SLC9B1: variants seen among roughly 807,000 people sequenced by gnomAD.
SLC9B1 encodes the protein solute carrier family 9 member B1, also known as sodium/hydrogen exchanger 9B1.
A neutral mutation model predicts 51.7 loss-of-function variants in SLC9B1; 32 were observed. The ratio of observed to expected loss-of-function variants is 0.62; its 90% confidence interval spans 0.47 to 0.83. The LOEUF (loss-of-function observed/expected upper bound fraction) is 0.83. Ranked by LOEUF, SLC9B1 falls within the 40% of genes least tolerant of loss-of-function variation. SLC9B1 has a pLI of 0.00. For synonymous variants in SLC9B1, 145 were observed against 212.7 expected (o/e 0.68, Z 2.77); for missense variants, 406 against 613.2 (o/e 0.66, Z 3.57).
chr4:102,999,639 A>G (rs577424405), intron 1 of SLC9B1, among the ~76,000 whole-genome samples: 2 of 152,216 alleles, frequency 1.3e-5, no homozygotes, highest in African/African-American at 2.4e-5. Context: ...TATGTGGAGT[A>G]GGGGGAGTGA....
chr4:102,950,029 T>C (rs1371436747), intron 3 of SLC9B1, among the ~76,000 whole-genome samples: 7 of 152,182 alleles, frequency 4.6e-5, no homozygotes, highest in Non-Finnish European at 1.0e-4. Context: ...TTATAATATA[T>C]GATAGTTAAA....
At chr4:102,897,943 T>C, downstream of SLC9B1, 1 of 372,428 alleles carries the variant, frequency 2.7e-6, no homozygotes, top group Non-Finnish European at 5.2e-6. Context: ...TGCAGCAGCC[T>C]GCTGTTCATG....
At chr4:102,927,475 T>C (rs555367455) in intron 7 of SLC9B1, among the ~76,000 whole-genome samples, 4 of 152,264 alleles carry the variant, frequency 2.6e-5, no homozygotes, top group Non-Finnish European at 5.9e-5. Context: ...CATGAAAAAA[T>C]GCTCATCATC....
At chr4:103,011,416 C>T (rs1379237923) in intron 1 of SLC9B1, among the ~76,000 whole-genome samples, 2 of 152,120 alleles carry the variant, frequency 1.3e-5, no homozygotes, top group Non-Finnish European at 2.9e-5. Context: ...CTGTCGCTCT[C>T]CCAGGCAGGA....
chr4:102,887,979 T>C (rs1033170823), intron 11 of SLC9B1: 1 of 153,718 alleles, frequency 6.5e-6, no homozygotes, highest in African/African-American at 2.4e-5. Flanking sequence ...AGAAGTAAAC[T>C]GGATACAAAA....
At chr4:102,894,140 G>T (rs570580048) in intron 11 of SLC9B1, among the ~76,000 whole-genome samples, 3 of 152,308 alleles carry the variant, frequency 2.0e-5, no homozygotes, top group African/African-American at 7.2e-5. Context: ...TAAATGCTGA[G>T]AGGGCTATTG....
chr4:102,957,716 T>A (rs1053411184), intron 3 of SLC9B1, among the ~76,000 whole-genome samples: 2 of 152,150 alleles, frequency 1.3e-5, no homozygotes, highest in Admixed American at 6.5e-5. Flanking sequence ...CTATAAGGAA[T>A]AAACGGCACT....
intron 11 of SLC9B1, chr4:102,887,203 A>C (rs1404150846): frequency 1.6e-6 from 1 of 613,788 alleles, no homozygotes; most frequent in East Asian, 3.0e-5. Context: ...TTGGATGTAG[A>C]ATGTAACTAT....
Position 102,946,676 on chromosome 4 carries a change from T to C in SLC9B1, c.496A>G (p.Ile166Val). ...GGATCGAGTCCAAGCCCAGCTCTTA[T>C]TAGAATAATGGTAAGGGCAATGCTT... ...LRSIALTIILIRAGLGLDPQA... is the reference protein window; with the variant it reads ...LRSIALTIILVRAGLGLDPQA... The change falls in exon 5 of 12, where the codon ATA becomes GTA. Residue 166 changes from isoleucine to valine, a missense_variant. Physicochemically the swap from Ile to Val is conservative, Grantham distance 29. This residue lies in a region of SLC9B1 where 250 missense variants were observed against 394.1 expected (regional missense o/e 0.63). Transcript: ENST00000296422. 6.2e-7 allele frequency: 1 copy of C among 1,609,832 alleles called. No individual in the cohort carries two copies. Among genetic ancestry groups the C allele is most frequent in the Non-Finnish European group, 8.5e-7 (1 of 1,179,224 alleles).
chr4:102,944,187 A>G (rs1737156678), intron 6 of SLC9B1, among the ~76,000 whole-genome samples: 1 of 152,176 alleles, frequency 6.6e-6, no homozygotes, highest in Non-Finnish European at 1.5e-5. Context: ...CTGAGTACAC[A>G]TGGACAGAAA....
Position 102,949,336 on chromosome 4 carries a change from A to G in SLC9B1, c.303T>C (p.Ile101=). The G allele has an allele frequency of 6.2e-7, 1 of 1,611,150 alleles. No homozygotes were observed. The highest frequency in any genetic ancestry group is 8.5e-7 in the Non-Finnish European group (1 of 1,179,454). Residue 101 remains isoleucine, a synonymous_variant, in exon 4 of 12, where the codon ATT becomes ATC. Coordinates refer to ENST00000296422, the MANE Select transcript of SLC9B1 (RefSeq NM_139173.4). ...PGGNLFGLFI[I]FYSAIIGGKI... is the part of the protein sequence containing the mutation. ...TTCCCCCAATAATGGCACTATAAAA[A>G]ATAATGAACAACCCAAATAAATTTC...
chr4:102,904,933 G>T (rs894842728), intron 11 of SLC9B1, among the ~76,000 whole-genome samples: 9 of 151,468 alleles, frequency 5.9e-5, no homozygotes, highest in African/African-American at 1.7e-4. Flanking sequence ...GCAGTGAGCC[G>T]AGATCATGCC....
chr4:102,887,481 G>A (rs1263689311), intron 11 of SLC9B1: 13 of 913,598 alleles, frequency 1.4e-5, no homozygotes, highest in Admixed American at 5.9e-5. Context: ...TTTTAAAATG[G>A]TGGTCTTAAT....
chr4:102,973,135 A>G (rs1030045844), intron 3 of SLC9B1, among the ~76,000 whole-genome samples: 1 of 152,164 alleles, frequency 6.6e-6, no homozygotes, highest in Non-Finnish European at 1.5e-5. Flanking sequence ...ATAAACTTAA[A>G]TGGTCTAAAT....
intron 11 of SLC9B1, among the ~76,000 whole-genome samples, chr4:102,893,300 A>AAAAAAAAAAAG (rs1314502030): frequency 2.0e-5 from 3 of 147,766 alleles, no homozygotes; most frequent in Non-Finnish European, 4.5e-5. Flanking sequence ...AAAAAAAAAA[A>AAAAAAAAAAAG]AAAAAGAAAA....
At chr4:102,981,762 C>CAAAT (rs1739377075) in intron 3 of SLC9B1, among the ~76,000 whole-genome samples, 1 of 152,042 alleles carries the variant, frequency 6.6e-6, no homozygotes, top group Admixed American at 6.6e-5. Context: ...CAGTCTTTAT[C>CAAAT]AAATATGTCC....
At chr4:102,887,150 A>G (rs1733968121) in intron 11 of SLC9B1, among the ~76,000 whole-genome samples, 1 of 152,224 alleles carries the variant, frequency 6.6e-6, no homozygotes, top group African/African-American at 2.4e-5. Flanking sequence ...AAACCAAATA[A>G]TGAAGTAACT....
intron 11 of SLC9B1, chr4:102,892,311 A>C (rs1318058808): frequency 1.3e-5 from 2 of 152,200 alleles, no homozygotes; most frequent in Non-Finnish European, 2.9e-5. Context: ...TCCCTGCCTC[A>C]GCACTCCCAA....
intron 6 of SLC9B1, among the ~76,000 whole-genome samples, chr4:102,936,251 A>G (rs565734938): frequency 3.9e-4 from 59 of 152,326 alleles, no homozygotes; most frequent in African/African-American, 1.4e-3. Flanking sequence ...ATAAAAAAGG[A>G]AAAAGCTCCA....
Sources: gnomAD v4.1 joint callset for allele counts (sites outside exome capture counted in the v4.1 genomes callset) on GRCh38, gnomAD v4.1.1 for gene constraint, gnomAD v4.1.1 regional missense constraint, MANE v1.5 for transcripts, NCBI Gene and HGNC (gene_info 2026-07-23, HGNC 2026-07-21) for gene names.